Variants in ABCC12 observed in about 807,000 individuals in gnomAD.
ABCC12 encodes the protein ATP binding cassette subfamily C member 12.
Under a neutral mutation model 151.1 loss-of-function variants are expected in ABCC12, and 142 were observed. The ratio of observed to expected loss-of-function variants is 0.94; its 90% CI spans 0.82 to 1.08. The LOEUF (loss-of-function observed/expected upper bound fraction) is 1.08, where lower values mean the gene tolerates loss of function less well. Ranked by LOEUF, ABCC12 falls within the 50% of genes least tolerant of loss-of-function variation. The probability of loss-of-function intolerance (pLI) is 0.00; values close to 1 mark genes in which losing one functional copy is unlikely to be tolerated. For missense variants in ABCC12, 1,638 were observed against 1,691.1 expected, an observed-to-expected ratio of 0.97 and a Z score of 0.55; for synonymous variants, 645 against 646.4, an observed-to-expected ratio of 1.00 and a Z score of 0.03.
intron 28 of ABCC12, chr16:48,086,517 T>G: frequency 6.0e-6 from 3 of 500,172 alleles, no homozygotes; most frequent in Non-Finnish European, 7.2e-6. Flanking sequence ...AAGGACCAAG[T>G]GAGATGATAC....
At chr16:48,122,028 C>G (rs1964087883) in intron 12 of ABCC12, among the ~76,000 whole-genome samples, 188 bp from the exon 13 acceptor site, 1 of 152,364 alleles carries the variant, frequency 6.6e-6, no homozygotes, top group African/African-American at 2.4e-5. Context: ...GAGTCAAACA[C>G]CTGCACAGGG....
intron 12 of ABCC12, 146 bp downstream of exon 12, chr16:48,124,067 C>T: frequency 2.3e-6 from 2 of 873,484 alleles, no homozygotes; most frequent in Non-Finnish European, 1.9e-6. Context: ...CTGCTGCGTG[C>T]ATTAACCTCC....
chr16:48,146,607 T>C, intron 2 of ABCC12, 133 bp from the exon 3 acceptor site: 1 of 584,986 alleles, frequency 1.7e-6, no homozygotes, highest in South Asian at 2.1e-5. Context: ...GCTTTCCACA[T>C]TTGTAGGGGA....
chr16:48,101,697 G>C (rs1240338568), intron 22 of ABCC12, among the ~76,000 whole-genome samples: 1 of 151,972 alleles, frequency 6.6e-6, no homozygotes, highest in Non-Finnish European at 1.5e-5. Flanking sequence ...GAAACACTTG[G>C]ATAATTCAAG....
intron 25 of ABCC12, among the ~76,000 whole-genome samples, chr16:48,090,453 A>G (rs1342972793): frequency 6.9e-6 from 1 of 145,178 alleles, no homozygotes; most frequent in Non-Finnish European, 1.5e-5. Context: ...TGTGCTGCAC[A>G]GGCTGGTCTC....
At position 48,111,579 on chromosome 16, in the gene ABCC12, G is replaced by T; in HGVS notation, c.2208C>A (p.Ile736=). ...PAEREEDAGI[I]VLAPGNEKDE... ...CAATAACAGGGATGGGATTCTAACCGATTATACCAGCATCTTCCTCTCTCT... is the reference window on the plus strand; with the variant it reads ...CAATAACAGGGATGGGATTCTAACCTATTATACCAGCATCTTCCTCTCTCT... Residue 736 remains isoleucine, a splice_region_variant and synonymous_variant, in exon 17 of 31, where the codon ATC becomes ATA. Transcript: ENST00000311303. 2.5e-6 allele frequency: 4 copies of T among 1,614,162 alleles called. No homozygotes were observed. The highest frequency in any genetic ancestry group is 2.5e-6 in the Non-Finnish European group (3 of 1,180,026).
At chr16:48,110,093 A>G (rs1963633320) in intron 18 of ABCC12, among the ~76,000 whole-genome samples, 1 of 152,240 alleles carries the variant, frequency 6.6e-6, no homozygotes, top group African/African-American at 2.4e-5. Flanking sequence ...AGGTTTCTCC[A>G]AAAAGCACAG....
intron 15 of ABCC12, among the ~76,000 whole-genome samples, chr16:48,114,648 C>A (rs1963813354): frequency 6.6e-6 from 1 of 152,180 alleles, no homozygotes; most frequent in African/African-American, 2.4e-5. Flanking sequence ...ACTGCCCCCC[C>A]TTCCCCCACA....
At position 48,124,293 on chromosome 16, in the gene ABCC12, G is replaced by A. The variant is rs1478517354; in HGVS notation, c.1516-9C>T. 1 of 1,613,778 alleles carries A rather than the reference G, an allele frequency of 6.2e-7. No individual in the cohort carries two copies. The highest frequency in any genetic ancestry group is 1.1e-5 in the South Asian group (1 of 91,076). On this transcript the variant is annotated splice_polypyrimidine_tract_variant and intron_variant, in intron 11 of 30. Coordinates refer to ENST00000311303, the MANE Select transcript of ABCC12 (RefSeq NM_001393797.1). ...ATTCCCAAGATCTTCCCCTGCCAGA[G>A]AAACAGAGATGGGACACAGTCACTC...
At chr16:48,148,131 A>G (rs1965059267) in intron 2 of ABCC12, among the ~76,000 whole-genome samples, 1 of 152,072 alleles carries the variant, frequency 6.6e-6, no homozygotes, top group Non-Finnish European at 1.5e-5. Flanking sequence ...TATTTTTAGT[A>G]GAGACAGGGT....
At chr16:48,151,017 A>T (rs1377494086) in intron 2 of ABCC12, among the ~76,000 whole-genome samples, 1 of 152,208 alleles carries the variant, frequency 6.6e-6, no homozygotes, top group Admixed American at 6.5e-5. Flanking sequence ...GTCAACCCAT[A>T]GCCCTGTGAG....
rs773018778 is a variant in ABCC12, at chr16:48,128,683, C to T, written c.1291G>A (p.Asp431Asn). Residue 431 changes from aspartate (D) to asparagine (N), a missense_variant, in exon 11 of 31, where the codon GAT becomes AAT. Transcript: ENST00000311303. ...PSYITQPEDP[D>N]TVLLLANATL... ...GCATTTGCTAAAAGCAAGACAGTATCTGGGTCTTCTGGTTGGGTGATGTAA... is the reference window on the plus strand; with the variant it reads ...GCATTTGCTAAAAGCAAGACAGTATTTGGGTCTTCTGGTTGGGTGATGTAA... 1 of 1,614,178 alleles carries T rather than the reference C, an allele frequency of 6.2e-7. No homozygotes were observed. The highest frequency in any genetic ancestry group is 1.1e-5 in the South Asian group (1 of 91,080).
At chr16:48,122,978 G>T (rs1191303291) in intron 12 of ABCC12, among the ~76,000 whole-genome samples, 8 of 152,238 alleles carry the variant, frequency 5.3e-5, no homozygotes. Context: ...TAGTGAGCAT[G>T]TGGCAGAAAC....
At position 48,100,879 on chromosome 16, in the gene ABCC12, T is replaced by C. The variant is rs1963280961; in HGVS notation, c.3031A>G (p.Ile1011Val). ...GCCCCACATGGGACTCACTAGGTGA[T>C]GCAGCTCTCCTTCTTGCCATAGGCG... The part of the protein sequence containing the change: ...IHAYGKKESC[I>V]TYHLLYFNCA... The change falls in exon 23 of 31, where the codon ATC (isoleucine) becomes GTC (valine). Residue 1011 changes from isoleucine (I) to valine (V), a missense_variant. Physicochemically the swap from Ile to Val is conservative, Grantham distance 29. Coordinates refer to ENST00000311303, the MANE Select transcript of ABCC12 (RefSeq NM_001393797.1). The C allele has an allele frequency of 6.2e-7, 1 of 1,614,140 alleles. No individual in the cohort carries two copies. The highest frequency in any genetic ancestry group is 8.5e-7 in the Non-Finnish European group (1 of 1,179,984).
chr16:48,150,699 C>T (rs960569523), intron 2 of ABCC12, among the ~76,000 whole-genome samples: 14 of 152,204 alleles, frequency 9.2e-5, no homozygotes, highest in Admixed American at 8.5e-4. Flanking sequence ...TAGGTAAATT[C>T]TTTGTTATTA....
chr16:48,105,344 G>C lies in ABCC12; in HGVS notation c.2476-8C>G. ...CTGGGGCCCACAGGTCATCTTTGGA[G>C]AAAAACAAGAGAAGCACCAAGAATT... On this transcript the variant is annotated splice_region_variant and splice_polypyrimidine_tract_variant and intron_variant, in intron 20 of 30. Transcript: ENST00000311303. 1 of 1,597,416 alleles carries C rather than the reference G, an allele frequency of 6.3e-7. No homozygotes were observed. Among genetic ancestry groups the C allele is most frequent in the South Asian group, 1.1e-5 (1 of 89,420 alleles).
chr16:48,104,311 G>A lies in ABCC12; in HGVS notation c.2731C>T (p.Arg911Cys), dbSNP rs764384645. 5.5e-5 allele frequency: 89 copies of A among 1,614,204 alleles called. No homozygotes were observed. The highest frequency in any genetic ancestry group is 8.3e-5 in the Admixed American group (5 of 60,032). Residue 911 changes from arginine (R) to cysteine (C), a missense_variant, in exon 22 of 31, where the codon CGT becomes TGT. Physicochemically the swap from Arg to Cys is radical, Grantham distance 180 (BLOSUM62 -3). Coordinates refer to ENST00000311303, the MANE Select transcript of ABCC12 (RefSeq NM_001393797.1). ...DTTPTGRLMNRFSKDMDELDV... is the reference protein window; with the variant it reads ...DTTPTGRLMNCFSKDMDELDV... ...AGCTCGTCCATATCCTTGGAAAAAC[G>A]GTTCATTAGCCTGCCAGTGGGAGTC...
intron 8 of ABCC12, among the ~76,000 whole-genome samples, chr16:48,134,564 G>A (rs893323149): frequency 3.3e-5 from 5 of 152,180 alleles, no homozygotes; most frequent in Non-Finnish European, 4.4e-5. Flanking sequence ...AGGGGGAGCC[G>A]AGGACAGAGC....
chr16:48,149,924 CTAAAAA>C (rs1445935099), intron 2 of ABCC12, among the ~76,000 whole-genome samples: 3 of 152,098 alleles, frequency 2.0e-5, no homozygotes, highest in Admixed American at 6.5e-5. Flanking sequence ...ATTTAAAAGT[CTAAAAA>C]TTGCAAGTCT....
Sources: allele counts gnomAD v4.1 joint callset (sites outside exome capture counted in the v4.1 genomes callset), GRCh38; gene constraint gnomAD v4.1.1; transcripts MANE v1.5; gene names NCBI Gene and HGNC (gene_info 2026-07-23, HGNC 2026-07-21).